IFT57: variants seen among roughly 807,000 people sequenced by gnomAD.
IFT57 encodes intraflagellar transport 57.
In IFT57, 59 loss-of-function variants were observed where a neutral mutation model predicts 56.8. That is an observed-to-expected ratio of 1.04 (90% CI 0.84 to 1.29). The LOEUF is 1.29. IFT57 is among the 50% of genes most tolerant of loss of function. The probability of loss-of-function intolerance (pLI) is 0.00; values close to 1 mark genes in which losing one functional copy is unlikely to be tolerated. For missense variants in IFT57, 470 were observed against 522.1 expected (o/e 0.90, Z 0.97); for synonymous variants, 209 against 186.1 (o/e 1.12, Z -1.00).
At chr3:108,195,258 G>A (rs1357171915) in intron 5 of IFT57, among the ~76,000 whole-genome samples, 2 of 151,984 alleles carry the variant, frequency 1.3e-5, no homozygotes, top group Non-Finnish European at 2.9e-5. Flanking sequence ...AGAGAAATGC[G>A]AACCAAAACC....
chr3:108,216,772 T>A (rs988151059), intron 3 of IFT57, among the ~76,000 whole-genome samples: 5 of 152,236 alleles, frequency 3.3e-5, no homozygotes, highest in Non-Finnish European at 7.3e-5. Context: ...ATTTTCACAG[T>A]GGAATACCAT....
intron 6 of IFT57, among the ~76,000 whole-genome samples, chr3:108,191,317 A>G (rs1246211829): frequency 6.6e-6 from 1 of 152,124 alleles, no homozygotes; most frequent in Admixed American, 6.5e-5. Flanking sequence ...TCACTCTTTT[A>G]AAGATCTTTG....
chr3:108,187,740 G>T (rs746924110), intron 6 of IFT57, among the ~76,000 whole-genome samples: 11 of 151,844 alleles, frequency 7.2e-5, no homozygotes, highest in Middle Eastern at 6.8e-3. Context: ...AATAACAGAG[G>T]TCCTTTACTA....
chr3:108,195,969 T>C (rs1194384090), intron 5 of IFT57, among the ~76,000 whole-genome samples: 1 of 152,080 alleles, frequency 6.6e-6, no homozygotes, highest in Admixed American at 6.6e-5. Context: ...TATTATATAT[T>C]TCAAAATACC....
At chr3:108,163,607 T>G in intron 10 of IFT57, 56 bp downstream of exon 10, 3 of 1,171,268 alleles carry the variant, frequency 2.6e-6, no homozygotes. Context: ...AGTAGGTTTC[T>G]TGAAGAGCTA....
chr3:108,180,948 G>A (rs548316452), intron 6 of IFT57, among the ~76,000 whole-genome samples: 3 of 151,942 alleles, frequency 2.0e-5, no homozygotes, highest in East Asian at 1.9e-4. Flanking sequence ...TCTAGTTGAG[G>A]TATATCAACA....
At chr3:108,198,523 C>T (rs940378164) in intron 5 of IFT57, among the ~76,000 whole-genome samples, 6 of 152,074 alleles carry the variant, frequency 3.9e-5, no homozygotes, top group Admixed American at 3.9e-4. Flanking sequence ...CTCACTGCAG[C>T]CTCCGCCTCC....
At chr3:108,220,014 T>C (rs2080396727) in intron 1 of IFT57, among the ~76,000 whole-genome samples, 1 of 152,256 alleles carries the variant, frequency 6.6e-6, no homozygotes, top group Non-Finnish European at 1.5e-5. Context: ...TGAACATTTG[T>C]TTCTATGTTG....
chr3:108,213,068 C>G (rs1373711956), intron 4 of IFT57, among the ~76,000 whole-genome samples: 2 of 152,228 alleles, frequency 1.3e-5, no homozygotes, highest in South Asian at 4.2e-4. Flanking sequence ...TTATGGCTTG[C>G]TTAGTAACAT....
At chr3:108,197,304 A>G (rs983559954) in intron 5 of IFT57, among the ~76,000 whole-genome samples, 11 of 152,212 alleles carry the variant, frequency 7.2e-5, no homozygotes, top group African/African-American at 2.7e-4. Flanking sequence ...TGCTGCCTGC[A>G]GAGTTTGCAG....
At position 108,180,723 on chromosome 3, in the gene IFT57, T is replaced by C. The variant is rs368068898; in HGVS notation, c.777+10798A>G. ...TTTTAATAAAACTCAGTGATAGAAC[T>C]ACTCTAATATAATTGATTAGAAAAA... On this transcript the variant is annotated intron_variant, in intron 6 of 10. Coordinates refer to ENST00000264538, the MANE Select transcript of IFT57 (RefSeq NM_018010.4). Among the ~76,000 whole-genome samples, 11 of 152,038 alleles carry C rather than the reference T, an allele frequency of 7.2e-5. No homozygotes were observed. The East Asian group carries it at 2.1e-3, about 29-fold the overall frequency.
chr3:108,166,037 G>A (rs1244496356), intron 8 of IFT57, among the ~76,000 whole-genome samples: 1 of 151,974 alleles, frequency 6.6e-6, no homozygotes, highest in African/African-American at 2.4e-5. Flanking sequence ...ATATTCATAA[G>A]TAATTGTGTA....
chr3:108,163,661 AC>A lies in IFT57; in HGVS notation c.1111+1del, dbSNP rs1368580151. On this transcript the variant is annotated splice_donor_variant, in intron 10 of 10. Transcript: ENST00000264538. LOFTEE classifies it high-confidence loss of function. Reference sequence around the variant, plus strand: ...TTTCCCCTAAAATGAGCATGTACTTACCACCATCAGTCATGCTGCTGCCCTT... The same window carrying A: ...TTTCCCCTAAAATGAGCATGTACTTACACCATCAGTCATGCTGCTGCCCTT... The A allele has an allele frequency of 6.2e-7, 1 of 1,605,952 alleles. No individual in the cohort carries two copies. The highest frequency in any genetic ancestry group is 8.5e-7 in the Non-Finnish European group (1 of 1,173,534).
In IFT57 at chr3:108,162,467, C is replaced by T. The variant is rs972387970; in HGVS notation, c.*10G>A. 1 of 1,574,964 alleles carries T rather than the reference C, an allele frequency of 6.3e-7. No individual in the cohort carries two copies. Among genetic ancestry groups the T allele is most frequent in the East Asian group, 2.3e-5 (1 of 44,008 alleles). ...ACCCAACTAATCAGAAACATGAAAACCAGTATGTTTTAATAAAAGCCTGTT... is the reference window on the plus strand; with the variant it reads ...ACCCAACTAATCAGAAACATGAAAATCAGTATGTTTTAATAAAAGCCTGTT... On this transcript the variant is annotated 3_prime_UTR_variant, in exon 11 of 11. Transcript: ENST00000264538.
chr3:108,164,259 C>T (rs1018362157), intron 9 of IFT57, among the ~76,000 whole-genome samples: 4 of 151,874 alleles, frequency 2.6e-5, no homozygotes, highest in African/African-American at 4.8e-5. Context: ...TCATGAACTC[C>T]GAACTCCAAG....
intron 6 of IFT57, among the ~76,000 whole-genome samples, chr3:108,177,694 C>G (rs1170735400): frequency 1.3e-5 from 2 of 151,632 alleles, no homozygotes; most frequent in African/African-American, 4.8e-5. Context: ...AAACAAGGAA[C>G]ACAAGGGAAC....
chr3:108,169,254 T>G (rs149048491), intron 6 of IFT57, among the ~76,000 whole-genome samples: 4,627 of 152,122 alleles, frequency 0.03, 117 homozygotes, highest in Non-Finnish European at 0.047. Context: ...GGTGATGAGC[T>G]TTTTATCATA....
At chr3:108,215,922 G>C (rs1382958508) in intron 3 of IFT57, among the ~76,000 whole-genome samples, 1 of 152,064 alleles carries the variant, frequency 6.6e-6, no homozygotes, top group African/African-American at 2.4e-5. Flanking sequence ...GGGGAAACTG[G>C]ATATCCACAT....
chr3:108,184,473 A>G (rs1031481440), intron 6 of IFT57, among the ~76,000 whole-genome samples: 3 of 152,180 alleles, frequency 2.0e-5, no homozygotes, highest in African/African-American at 7.2e-5. Context: ...AACACATAAA[A>G]TATACATAGA....
Sources: gnomAD v4.1 joint callset for allele counts (sites outside exome capture counted in the v4.1 genomes callset) on GRCh38, gnomAD v4.1.1 for gene constraint, MANE v1.5 for transcripts, NCBI Gene and HGNC (gene_info 2026-07-23, HGNC 2026-07-21) for gene names.